The following TCF12 variants were observed in gnomAD, a reference collection of about 807,000 sequenced individuals.
The protein encoded by TCF12 is transcription factor 12, also known as DNA-binding protein HTF4.
TCF12 carries 45 observed loss-of-function variants against 86.0 expected under a neutral mutation model. That is an observed-to-expected ratio of 0.52 (90% CI 0.41 to 0.67). The LOEUF (loss-of-function observed/expected upper bound fraction) is 0.67. Among genes scored for constraint, TCF12 ranks in the 30% least tolerant of loss-of-function variants. The pLI is 0.00. For missense variants in TCF12, 881 were observed against 859.9 expected (o/e 1.02, Z -0.31); for synonymous variants, 330 against 299.6 (o/e 1.10, Z -1.05).
intron 4 of TCF12, among the ~76,000 whole-genome samples, chr15:57,080,995 A>G (rs1596443154): frequency 6.6e-6 from 1 of 152,122 alleles, no homozygotes; most frequent in East Asian, 1.9e-4. Flanking sequence ...TCTGCAGTAG[A>G]TGTTCACTTA....
chr15:56,969,137 T>C (rs1479248616), intron 3 of TCF12, among the ~76,000 whole-genome samples: 1 of 152,182 alleles, frequency 6.6e-6, no homozygotes, highest in Admixed American at 6.5e-5. Context: ...GAGGGAGATA[T>C]GTAGCTTTTT....
chr15:57,276,908 G>A (rs1375321131), intron 19 of TCF12, among the ~76,000 whole-genome samples: 2 of 149,250 alleles, frequency 1.3e-5, no homozygotes, highest in African/African-American at 2.5e-5. Flanking sequence ...GAGTTCAAGC[G>A]ATTCTCCTGC....
At chr15:57,159,303 C>T (rs969973365) in intron 5 of TCF12, among the ~76,000 whole-genome samples, 3 of 152,214 alleles carry the variant, frequency 2.0e-5, no homozygotes, top group Non-Finnish European at 4.4e-5. Flanking sequence ...CTCTCATACT[C>T]TATGGCATTG....
chr15:57,073,349 T>TA (rs1397408241), intron 4 of TCF12, among the ~76,000 whole-genome samples: 2 of 152,238 alleles, frequency 1.3e-5, no homozygotes, highest in Non-Finnish European at 2.9e-5. Flanking sequence ...GCCTGTTTAA[T>TA]ATTTTTTCCC....
chr15:57,041,353 CTT>C (rs1260851973), intron 3 of TCF12, among the ~76,000 whole-genome samples: 1 of 152,220 alleles, frequency 6.6e-6, no homozygotes, highest in African/African-American at 2.4e-5. Flanking sequence ...AGTTCTTTCT[CTT>C]ATTTATTTTT....
At chr15:57,050,992 A>T (rs1413056023) in intron 3 of TCF12, among the ~76,000 whole-genome samples, 1 of 152,190 alleles carries the variant, frequency 6.6e-6, no homozygotes, top group Non-Finnish European at 1.5e-5. Context: ...TCATCCTCGG[A>T]TATGTTGACT....
intron 8 of TCF12, among the ~76,000 whole-genome samples, chr15:57,224,820 G>C (rs2058790895): frequency 6.6e-6 from 1 of 152,130 alleles, no homozygotes; most frequent in South Asian, 2.1e-4. Flanking sequence ...GTATGTGCCT[G>C]AGTCAGTCTT....
rs144876997 is a variant in TCF12 at position 57,232,424 on chromosome 15, C to T, written c.819C>T (p.Asp273=). 6.2e-7 allele frequency: 1 copy of T among 1,605,430 alleles called. No homozygotes were observed. Among genetic ancestry groups the T allele is most frequent in the East Asian group, 2.2e-5 (1 of 44,824 alleles). Residue 273 remains aspartate, a synonymous_variant, in exon 10 of 21, where the codon GAC becomes GAT. Transcript: ENST00000333725. ...SSSYGNLHSH[D]RLSYPPHSVS... ...GTTATGGCAACCTTCATTCACATGA[C>T]CGCTTGGTAGGCTATAACACGTGAC...
intron 8 of TCF12, among the ~76,000 whole-genome samples, chr15:57,223,283 T>C (rs1194344673): frequency 2.0e-5 from 3 of 152,002 alleles, no homozygotes; most frequent in Non-Finnish European, 4.4e-5. Flanking sequence ...ACATGTAAAT[T>C]AGTCTCCATA....
chr15:57,060,587 G>A (rs1361958300), intron 3 of TCF12, among the ~76,000 whole-genome samples: 2 of 152,150 alleles, frequency 1.3e-5, no homozygotes, highest in Non-Finnish European at 2.9e-5. Context: ...TGGTTTATGA[G>A]TCAAGGAACT....
intron 4 of TCF12, among the ~76,000 whole-genome samples, chr15:57,066,400 TGTTA>T (rs1209406133): frequency 8.5e-5 from 13 of 152,160 alleles, no homozygotes; most frequent in African/African-American, 2.2e-4. Context: ...AGTTTTGACT[TGTTA>T]GTTAAAAATT....
At chr15:57,222,537 A>G (rs1362541193) in intron 8 of TCF12, among the ~76,000 whole-genome samples, 3 of 151,752 alleles carry the variant, frequency 2.0e-5, no homozygotes, top group Non-Finnish European at 4.4e-5. Flanking sequence ...ATGTGGGTTT[A>G]TAGTAAGTAT....
At chr15:57,039,087 C>T (rs2066713328) in intron 3 of TCF12, among the ~76,000 whole-genome samples, 1 of 152,128 alleles carries the variant, frequency 6.6e-6, no homozygotes, top group South Asian at 2.1e-4. Context: ...GGTGTATCTC[C>T]ATTCCGTACC....
chr15:56,968,883 G>A (rs2062143949), intron 3 of TCF12, among the ~76,000 whole-genome samples: 1 of 152,186 alleles, frequency 6.6e-6, no homozygotes, highest in Admixed American at 6.5e-5. Flanking sequence ...GGTTTGGTAA[G>A]GCGGGACAAC....
chr15:56,921,701 G>A (rs1296997773), intron 3 of TCF12, among the ~76,000 whole-genome samples: 1 of 151,946 alleles, frequency 6.6e-6, no homozygotes, highest in Non-Finnish European at 1.5e-5. Flanking sequence ...ATCATCTTAA[G>A]AAAACCAACT....
At chr15:57,195,800 C>A (rs2057233176) in intron 7 of TCF12, among the ~76,000 whole-genome samples, 1 of 152,108 alleles carries the variant, frequency 6.6e-6, no homozygotes, top group African/African-American at 2.4e-5. Flanking sequence ...ACCAGGAGTT[C>A]AAAACCAGCC....
At chr15:57,027,434 G>A (rs28799617) in intron 3 of TCF12, among the ~76,000 whole-genome samples, 11,676 of 152,180 alleles carry the variant, frequency 0.077, 636 homozygotes, top group Non-Finnish European at 0.11. Flanking sequence ...AGTTTTCCAC[G>A]TGCCAGTGCT....
At chr15:57,069,450 T>A (rs1392882456) in intron 4 of TCF12, among the ~76,000 whole-genome samples, 1 of 152,246 alleles carries the variant, frequency 6.6e-6, no homozygotes, top group Non-Finnish European at 1.5e-5. Context: ...GTCTGTATTA[T>A]GGCTTGCAGA....
chr15:57,223,652 T>TTTTTGTTTTTTTTTTTTTTG (rs1566940706), intron 8 of TCF12, among the ~76,000 whole-genome samples: 3 of 139,296 alleles, frequency 2.2e-5, no homozygotes, highest in African/African-American at 7.6e-5. Flanking sequence ...GGTTTTTTTT[T>TTTTTGTTTTTTTTTTTTTTG]TTTTTTTTTT....
Sources: gnomAD v4.1 joint callset for allele counts (sites outside exome capture counted in the v4.1 genomes callset) on GRCh38, gnomAD v4.1.1 for gene constraint, MANE v1.5 for transcripts, NCBI Gene and HGNC (gene_info 2026-07-23, HGNC 2026-07-21) for gene names.